The following ERC1 variants were observed in gnomAD, a reference collection of about 807,000 sequenced individuals.
ERC1 encodes RAB6 interacting protein 2.
ERC1 carries 56 observed loss-of-function variants against 132.0 expected under a neutral mutation model. The ratio of observed to expected loss-of-function variants is 0.42; its 90% CI spans 0.34 to 0.53. ERC1 has a LOEUF of 0.53. ERC1 is among the 20% of genes least tolerant of loss of function. ERC1 has a pLI of 0.03. For missense variants in ERC1, 1,202 were observed against 1,349.9 expected (o/e 0.89, Z 1.72); for synonymous variants, 478 against 476.1 (o/e 1.00, Z -0.05).
intron 15 of ERC1, among the ~76,000 whole-genome samples, chr12:1,335,824 G>A (rs1302264108): frequency 6.6e-6 from 1 of 152,098 alleles, no homozygotes; most frequent in African/African-American, 2.4e-5. Flanking sequence ...TTGTACATCT[G>A]GTAGAATTTA....
chr12:1,091,580 G>A (rs1052849501), intron 3 of ERC1, among the ~76,000 whole-genome samples: 2 of 152,128 alleles, frequency 1.3e-5, no homozygotes, highest in Admixed American at 6.5e-5. Context: ...CCAACCATGC[G>A]CACAGCACTA....
chr12:1,034,198 A>T (rs1403932042), intron 2 of ERC1, among the ~76,000 whole-genome samples: 2 of 152,148 alleles, frequency 1.3e-5, no homozygotes, highest in African/African-American at 4.8e-5. Flanking sequence ...ATATTTGAAT[A>T]TTATACAATT....
intron 17 of ERC1, chr12:1,430,754 C>G (rs958882973): frequency 6.6e-6 from 1 of 152,344 alleles, no homozygotes; most frequent in African/African-American, 2.4e-5. Flanking sequence ...CAGTCAGCAG[C>G]AGGTGGATCG....
intron 1 of ERC1, chr12:998,213 AAT>A (rs1049654833): frequency 1.5e-4 from 23 of 152,212 alleles, no homozygotes; most frequent in African/African-American, 5.5e-4. Context: ...GAAAATAGCC[AAT>A]GTCTATTTTA....
At chr12:1,449,565 G>A (rs1035070985) in intron 18 of ERC1, among the ~76,000 whole-genome samples, 1 of 152,074 alleles carries the variant, frequency 6.6e-6, no homozygotes, top group Non-Finnish European at 1.5e-5. Context: ...CACCATGATT[G>A]TAAGTTTCCT....
chr12:1,481,138 A>G (rs1195537118), intron 18 of ERC1, among the ~76,000 whole-genome samples: 1 of 152,248 alleles, frequency 6.6e-6, no homozygotes, highest in African/African-American at 2.4e-5. Flanking sequence ...TGAATTGTTT[A>G]TTTCTGGAAT....
rs7136067 is a variant in ERC1 at position 1,090,848 on chromosome 12, G to A, written c.1086+7268G>A. 1.4e-3 allele frequency among the ~76,000 whole-genome samples: 12 copies of A among 8,696 alleles called. 4 individuals are homozygous for A. Among genetic ancestry groups the A allele is most frequent in the Non-Finnish European group, 1.7e-3 (2 of 1,190 alleles). The allele number at this position is 8,696 out of a possible 152,430, so 5.7% of individuals were successfully genotyped here. ...TGCCTGGCCCATTATTATTATTATTGTTGTTGTTGTTGTTGTTGTTATTAT... is the reference window on the plus strand; with the variant it reads ...TGCCTGGCCCATTATTATTATTATTATTGTTGTTGTTGTTGTTGTTATTAT... On this transcript the variant is annotated intron_variant, in intron 3 of 18. Transcript: ENST00000360905.
intron 15 of ERC1, among the ~76,000 whole-genome samples, chr12:1,318,862 C>T (rs965101975): frequency 2.0e-5 from 3 of 152,030 alleles, no homozygotes; most frequent in African/African-American, 7.2e-5. Context: ...AGTTTACGGG[C>T]TGCAGCAGGC....
intron 7 of ERC1, among the ~76,000 whole-genome samples, chr12:1,128,487 A>T (rs899862745): frequency 6.6e-6 from 1 of 152,090 alleles, no homozygotes; most frequent in Admixed American, 6.6e-5. Context: ...CTCCCAACTC[A>T]GCCTCTCGTA....
At chr12:1,179,657 G>A (rs200683786) in intron 8 of ERC1, among the ~76,000 whole-genome samples, 1 of 150,630 alleles carries the variant, frequency 6.6e-6, no homozygotes, top group Non-Finnish European at 1.5e-5. Flanking sequence ...ACAGGCGCCC[G>A]CCACTACGCC....
At chr12:999,888 C>T (rs1162685873) in intron 1 of ERC1, among the ~76,000 whole-genome samples, 1 of 152,062 alleles carries the variant, frequency 6.6e-6, no homozygotes, top group South Asian at 2.1e-4. Context: ...AGCCACTGTG[C>T]CCAGCCCGCT....
chr12:997,549 G>T (rs1961180740), intron 1 of ERC1, among the ~76,000 whole-genome samples: 1 of 152,178 alleles, frequency 6.6e-6, no homozygotes, highest in East Asian at 1.9e-4. Context: ...GACACAGGAT[G>T]GTAGCAAGAC....
chr12:1,041,155 A>G (rs544632382), intron 2 of ERC1, among the ~76,000 whole-genome samples: 1 of 152,238 alleles, frequency 6.6e-6, no homozygotes, highest in African/African-American at 2.4e-5. Flanking sequence ...AACCTAATAA[A>G]TGTTATCATA....
At chr12:1,002,135 C>T (rs2107642) in intron 1 of ERC1, among the ~76,000 whole-genome samples, 142,518 of 143,264 alleles carry the variant, frequency 0.99, 70,890 homozygotes, top group Middle Eastern at 1. Context: ...GTGCTGGGAT[C>T]ACAGGTGTGA....
At chr12:1,080,671 C>T (rs544218528) in intron 2 of ERC1, among the ~76,000 whole-genome samples, 7 of 152,064 alleles carry the variant, frequency 4.6e-5, no homozygotes, top group East Asian at 1.9e-4. Context: ...CAGGGGGTTC[C>T]GCTTTTGCTT....
At chr12:1,389,465 T>G (rs1428973177) in intron 16 of ERC1, among the ~76,000 whole-genome samples, 1 of 152,242 alleles carries the variant, frequency 6.6e-6, no homozygotes. Flanking sequence ...CCTTACAGAT[T>G]ATAGTTCAAT....
intron 15 of ERC1, among the ~76,000 whole-genome samples, chr12:1,292,264 T>C (rs1325889023): frequency 6.6e-6 from 1 of 152,160 alleles, no homozygotes; most frequent in Non-Finnish European, 1.5e-5. Context: ...AGGGAAGGGG[T>C]GGCAGAGCTC....
rs192300570 is a variant in ERC1, at chr12:1,447,898, C to T, written c.3213+3148C>T. Among the ~76,000 whole-genome samples the T allele has an allele frequency of 2.9e-3, 434 of 152,280 alleles. 2 individuals are homozygous for T. Among genetic ancestry groups the T allele is most frequent in the Middle Eastern group, 3.4e-3 (1 of 294 alleles). On this transcript the variant is annotated intron_variant, in intron 18 of 18. Coordinates refer to ENST00000360905, the MANE Select transcript of ERC1 (RefSeq NM_178040.4). Reference sequence around the variant, plus strand: ...CTCCTGAGCTCAGGCAGACGGCCTGCCTTGGCCTCCCAAAGTGCTAGGATT... The same window carrying T: ...CTCCTGAGCTCAGGCAGACGGCCTGTCTTGGCCTCCCAAAGTGCTAGGATT...
chr12:1,341,977 A>G (rs905404386), intron 15 of ERC1, among the ~76,000 whole-genome samples: 18 of 152,096 alleles, frequency 1.2e-4, no homozygotes, highest in South Asian at 4.2e-4. Context: ...AACAGTTTCT[A>G]CTCTCTTCTG....
Sources: allele counts gnomAD v4.1 joint callset (sites outside exome capture counted in the v4.1 genomes callset), GRCh38; gene constraint gnomAD v4.1.1; transcripts MANE v1.5; gene names NCBI Gene and HGNC (gene_info 2026-07-23, HGNC 2026-07-21).